Variants in NRG2 observed in about 807,000 individuals in gnomAD.
NRG2 encodes neuregulin 2.
Under a neutral mutation model 73.9 loss-of-function variants are expected in NRG2, and 27 were observed. The observed-to-expected ratio is 0.37, with a 90% CI of 0.27 to 0.50. The LOEUF (loss-of-function observed/expected upper bound fraction) is 0.50. NRG2 is among the 20% of genes least tolerant of loss of function. The pLI is 0.96. For missense variants in NRG2, 1,126 were observed against 1,210.1 expected (o/e 0.93, Z 1.03); for synonymous variants, 532 against 541.0 (o/e 0.98, Z 0.23).
At chr5:140,026,941 C>G (rs1040126635) in intron 1 of NRG2, among the ~76,000 whole-genome samples, 4 of 152,086 alleles carry the variant, frequency 2.6e-5, no homozygotes, top group African/African-American at 7.2e-5. Context: ...GGCAATGCCT[C>G]GAAGAATGTT....
Position 139,853,814 on chromosome 5 carries a change from G to A in NRG2, c.1293-787C>T, listed in dbSNP as rs942276318. ...TGGGAGGGAGGTGGGGATGGTTCAT[G>A]GGTACAAAAACTAGTTAGAAGGAAA... On this transcript the variant is annotated intron_variant, in intron 6 of 9. Coordinates refer to ENST00000361474, the MANE Select transcript of NRG2 (RefSeq NM_004883.3). The surrounding 1 kb of genome is among the most constrained non-coding windows in gnomAD (Gnocchi z 4.1). Among the ~76,000 whole-genome samples the A allele has an allele frequency of 2.0e-5, 3 of 152,124 alleles. No individual in the cohort carries two copies. The highest frequency in any genetic ancestry group is 1.3e-4 in the Admixed American group (2 of 15,286).
In NRG2 at chr5:139,933,002, C is replaced by G. The variant is rs777663939; in HGVS notation, c.701-45491G>C. 2.6e-5 allele frequency among the ~76,000 whole-genome samples: 4 copies of G among 152,180 alleles called. 1 individual carries two copies. The East Asian group carries it at 7.7e-4, about 29-fold the overall frequency. On this transcript the variant is annotated intron_variant, in intron 1 of 9. Coordinates refer to ENST00000361474, the MANE Select transcript of NRG2 (RefSeq NM_004883.3). ...TTAAAAAGTGAGAACAGGCCGCACG[C>G]GGTGGCTCACGCCTGTAAGCCCAGC...
At chr5:139,917,153 C>T (rs1428490234) in intron 1 of NRG2, among the ~76,000 whole-genome samples, 2 of 152,100 alleles carry the variant, frequency 1.3e-5, no homozygotes, top group Admixed American at 1.3e-4. Context: ...TTAAAAGCAG[C>T]TTTATTGAGG....
chr5:139,899,795 T>C (rs1267920689), intron 1 of NRG2, among the ~76,000 whole-genome samples: 3 of 152,180 alleles, frequency 2.0e-5, no homozygotes, highest in African/African-American at 7.2e-5. Flanking sequence ...TGCCTCTCCC[T>C]GGTTTTTGTT....
chr5:139,932,825 G>T (rs1048269454), intron 1 of NRG2, among the ~76,000 whole-genome samples: 14 of 152,076 alleles, frequency 9.2e-5, no homozygotes, highest in African/African-American at 3.4e-4. Context: ...AAAAAGAACT[G>T]AAGTAAACAG....
chr5:139,912,452 C>T (rs1472592545), intron 1 of NRG2, among the ~76,000 whole-genome samples: 1 of 152,108 alleles, frequency 6.6e-6, no homozygotes, highest in Non-Finnish European at 1.5e-5. Flanking sequence ...CCAGACTTAG[C>T]CCTTCTGGGA....
intron 6 of NRG2, among the ~76,000 whole-genome samples, chr5:139,855,061 C>G (rs1483349080): frequency 6.6e-6 from 1 of 152,190 alleles, no homozygotes; most frequent in Non-Finnish European, 1.5e-5. Context: ...TCTCTGTTCA[C>G]TTATTCTCCT....
intron 1 of NRG2, among the ~76,000 whole-genome samples, chr5:139,896,305 G>GA (rs1043187110): frequency 6.6e-6 from 1 of 152,172 alleles, no homozygotes; most frequent in Non-Finnish European, 1.5e-5. Flanking sequence ...ATAAGGTTTT[G>GA]AAAAAATGCT....
rs1171710716 is a variant in NRG2 at position 139,887,865 on chromosome 5, A to G, written c.701-354T>C. 6.6e-6 allele frequency among the ~76,000 whole-genome samples: 1 copy of G among 152,098 alleles called. No individual in the cohort carries two copies. The highest frequency in any genetic ancestry group is 1.9e-4 in the East Asian group (1 of 5,178). Reference sequence around the variant, plus strand: ...CTCGGAATGGTGAAGTCACTTCCCTAAGGGCAGATGATGGAACTGGGATTC... The same window carrying G: ...CTCGGAATGGTGAAGTCACTTCCCTGAGGGCAGATGATGGAACTGGGATTC... On this transcript the variant is annotated intron_variant, in intron 1 of 9. Coordinates refer to ENST00000361474, the MANE Select transcript of NRG2 (RefSeq NM_004883.3). The surrounding 1 kb of genome is among the most constrained non-coding windows in gnomAD (Gnocchi z 4.5).
intron 1 of NRG2, among the ~76,000 whole-genome samples, chr5:140,041,426 C>T (rs781399655): frequency 1.6e-4 from 24 of 152,196 alleles, no homozygotes; most frequent in Non-Finnish European, 2.9e-4. Context: ...CTTAGACTGA[C>T]ATTTCTTTGA....
intron 1 of NRG2, among the ~76,000 whole-genome samples, chr5:139,953,907 G>T (rs1754421072): frequency 6.6e-6 from 1 of 152,126 alleles, no homozygotes; most frequent in Non-Finnish European, 1.5e-5. Flanking sequence ...AAGCAGTGAA[G>T]GGTCCCCCAA....
chr5:139,850,747 T>TA (rs1335235135), intron 9 of NRG2, among the ~76,000 whole-genome samples: 23 of 152,296 alleles, frequency 1.5e-4, no homozygotes, highest in Non-Finnish European at 7.4e-5. Flanking sequence ...TCCTGGTTCT[T>TA]ACTACATCCA....
rs1238545873 is a variant in NRG2 at position 139,904,160 on chromosome 5, G to T, written c.701-16649C>A. On this transcript the variant is annotated intron_variant, in intron 1 of 9. Coordinates refer to ENST00000361474, the MANE Select transcript of NRG2 (RefSeq NM_004883.3). The surrounding 1 kb of genome is among the most constrained non-coding windows in gnomAD (Gnocchi z 6.0). ...CTCTCCCGGCCGCGACGACCCGCTC[G>T]CACGCAGGCACGCGCGCCCTCGGTG... 6 of 724,618 alleles carry T rather than the reference G, an allele frequency of 8.3e-6. No individual in the cohort carries two copies. The East Asian group carries it at 1.4e-4, about 17-fold the overall frequency. 44.9% of individuals were successfully genotyped at this position (724,618 alleles called of 1,614,324 possible).
At chr5:139,890,795 A>AT (rs1259678692) in intron 1 of NRG2, among the ~76,000 whole-genome samples, 2 of 152,096 alleles carry the variant, frequency 1.3e-5, no homozygotes, top group Non-Finnish European at 2.9e-5. Context: ...GTGTTCCTTT[A>AT]TTTTTGGAAA....
In NRG2 at chr5:139,866,146, G is replaced by A. The variant is rs969713027; in HGVS notation, c.1113-521C>T. ...AGATAACTCGGGAATGCTGTTCCCA[G>A]ACTGTGTATGTCTTTGACAAAAGTG... On this transcript the variant is annotated intron_variant, in intron 4 of 9. Transcript: ENST00000361474. Among the ~76,000 whole-genome samples the A allele has an allele frequency of 3.3e-5, 5 of 152,292 alleles. No individual in the cohort carries two copies. The East Asian group carries it at 9.7e-4, about 29-fold the overall frequency.
At position 139,887,441 on chromosome 5, in the gene NRG2, A is replaced by G; in HGVS notation, c.771T>C (p.Cys257=). Residue 257 remains cysteine, a synonymous_variant, in exon 2 of 10, where the codon TGT becomes TGC. Transcript: ENST00000361474. The surrounding 1 kb of genome is among the most constrained non-coding windows in gnomAD (Gnocchi z 4.5). The part of the protein sequence containing the change: ...GQVGEKQSLK[C]EAAAGNPQPS... ...GCTGGGGATTACCGGCTGCTGCCTCACACTTCAGCGATTGCTTCTCACCCA... is the reference window on the plus strand; with the variant it reads ...GCTGGGGATTACCGGCTGCTGCCTCGCACTTCAGCGATTGCTTCTCACCCA... 6.2e-7 allele frequency: 1 copy of G among 1,614,170 alleles called. No homozygotes were observed. Among genetic ancestry groups the G allele is most frequent in the Non-Finnish European group, 8.5e-7 (1 of 1,180,038 alleles).
At chr5:140,011,823 C>G (rs1759388890) in intron 1 of NRG2, among the ~76,000 whole-genome samples, 1 of 152,204 alleles carries the variant, frequency 6.6e-6, no homozygotes, top group African/African-American at 2.4e-5. Flanking sequence ...TTTTAACCCA[C>G]TACATTTTGG....
rs150574085 is a variant in NRG2 at position 140,013,745 on chromosome 5, C to T, written c.700+28625G>A. On this transcript the variant is annotated intron_variant, in intron 1 of 9. Coordinates refer to ENST00000361474, the MANE Select transcript of NRG2 (RefSeq NM_004883.3). ...CTGTTCTTGTCAAAATCCCCAATGG[C>T]ATCCACATTGCCAAACCCATTGATA... is the stretch of plus-strand genomic sequence containing the variant. Among the ~76,000 whole-genome samples the T allele has an allele frequency of 3.3e-5, 5 of 152,314 alleles. No homozygotes were observed. In the East Asian group the frequency reaches 7.7e-4, roughly 24 times the overall value.
At chr5:139,919,276 G>GGGAACT (rs943373910) in intron 1 of NRG2, among the ~76,000 whole-genome samples, 5 of 152,146 alleles carry the variant, frequency 3.3e-5, no homozygotes, top group Admixed American at 6.5e-5. Context: ...GCACTTGCCA[G>GGGAACT]GGAACTGGTC....
Sources: allele counts gnomAD v4.1 joint callset (sites outside exome capture counted in the v4.1 genomes callset), GRCh38; gene constraint gnomAD v4.1.1; non-coding constraint Gnocchi (gnomAD v3.1); transcripts MANE v1.5; gene names NCBI Gene and HGNC (gene_info 2026-07-23, HGNC 2026-07-21).